The following CLCC1 variants were observed in gnomAD, a reference collection of about 807,000 sequenced individuals.
CLCC1 encodes the protein chloride channel CLIC like 1, also known as chloride channel CLIC-like protein 1.
Under a neutral mutation model 63.3 loss-of-function variants are expected in CLCC1, and 39 were observed. That is an observed-to-expected ratio of 0.62 (90% CI 0.48 to 0.81). The LOEUF (loss-of-function observed/expected upper bound fraction) is 0.81, where lower values mean the gene tolerates loss of function less well. Ranked by LOEUF, CLCC1 falls within the 30% of genes least tolerant of loss-of-function variation. The pLI, the probability that CLCC1 is intolerant of heterozygous loss-of-function variation, is 0.00. For synonymous variants in CLCC1, 217 were observed against 239.8 expected (o/e 0.90, Z 0.88); for missense variants, 549 against 669.4 (o/e 0.82, Z 1.98).
At position 108,954,755 on chromosome 1, in the gene CLCC1, A is replaced by T. The variant is rs910358664; in HGVS notation, c.-11-4307T>A. Among the ~76,000 whole-genome samples the T allele has an allele frequency of 3.5e-4, 53 of 151,154 alleles. 2 individuals are homozygous for T. Among genetic ancestry groups the T allele is most frequent in the African/African-American group, 1.3e-3 (53 of 40,508 alleles). On this transcript the variant is annotated intron_variant, in intron 2 of 12. Transcript: ENST00000369969. ...ATAATGAGAATATGGTTGTGGAACG[A>T]GTTCAGCATTCATTTGTTCAACATT... is the stretch of plus-strand genomic sequence containing the variant.
At chr1:108,944,711 G>A (rs1189142273) in intron 5 of CLCC1, among the ~76,000 whole-genome samples, 1 of 151,608 alleles carries the variant, frequency 6.6e-6, no homozygotes, top group African/African-American at 2.4e-5. Flanking sequence ...CTCACTGCAA[G>A]CTCCACCTCC....
chr1:108,955,829 C>A (rs1159516909), intron 2 of CLCC1, among the ~76,000 whole-genome samples: 1 of 151,594 alleles, frequency 6.6e-6, no homozygotes, highest in East Asian at 1.9e-4. Flanking sequence ...GAATCCCAGA[C>A]TTAAACCAGC....
chr1:108,947,675 T>C lies in CLCC1; in HGVS notation c.275A>G (p.Gln92Arg). 6.2e-7 allele frequency: 1 copy of C among 1,612,176 alleles called. No individual in the cohort carries two copies. The highest frequency in any genetic ancestry group is 8.5e-7 in the Non-Finnish European group (1 of 1,179,282). Residue 92 changes from glutamine to arginine, a missense_variant, in exon 5 of 13, where the codon CAA (glutamine) becomes CGA (arginine). Transcript: ENST00000369969. ...EKKKREDYESQSNPVFRRYLN... is the reference protein window; with the variant it reads ...EKKKREDYESRSNPVFRRYLN... ...GTATCTCCTAAAAACAGGATTGCTT[T>C]GACTTTCATAGTCTTCCCTCTTTTT...
Position 108,930,013 on chromosome 1 carries a change from G to C in CLCC1, c.*2534C>G. 7.5e-7 allele frequency: 1 copy of C among 1,333,212 alleles called. No homozygotes were observed. The highest frequency in any genetic ancestry group is 1.1e-6 in the Non-Finnish European group (1 of 935,404). The allele number at this position is 1,333,212 out of a possible 1,614,324, so 82.6% of individuals were successfully genotyped here. ...TCTATTACTTTTTTCCTTAAAAGGA[G>C]AATTTATAGCACTGTAATACAGCTT... On this transcript the variant is annotated 3_prime_UTR_variant, in exon 13 of 13. Transcript: ENST00000369969.
intron 5 of CLCC1, among the ~76,000 whole-genome samples, chr1:108,944,563 A>T (rs1265689216): frequency 6.6e-6 from 1 of 151,832 alleles, no homozygotes; most frequent in Non-Finnish European, 1.5e-5. Context: ...AAATTCTAGA[A>T]CTCTATGTAA....
In CLCC1 at chr1:108,950,462, TAATATATATAATGAAATAGAA is replaced by T; in HGVS notation, c.-11-35_-11-15del. 7.0e-7 allele frequency: 1 copy of T among 1,421,834 alleles called. No homozygotes were observed. Among genetic ancestry groups the T allele is most frequent in the Non-Finnish European group, 9.4e-7 (1 of 1,067,554 alleles). The allele number at this position is 1,421,834 out of a possible 1,614,324, so 88.1% of individuals were successfully genotyped here. A position where few individuals can be genotyped will look rare whatever the true frequency, so the allele number is the denominator to read the frequency against. On this transcript the variant is annotated splice_polypyrimidine_tract_variant and intron_variant, in intron 2 of 12. Transcript: ENST00000369969. Reference sequence around the variant, plus strand: ...TCCTGTATAAGGCTAAAACAATTTTTAATATATATAATGAAATAGAATTATTTTTTTAAATAAATTGGGTTT... The same window carrying T: ...TCCTGTATAAGGCTAAAACAATTTTTTTATTTTTTTAAATAAATTGGGTTT...
Position 108,937,135 on chromosome 1 carries a change from A to C in CLCC1, c.1325T>G (p.Leu442Arg), listed in dbSNP as rs1026074251. The change falls in exon 11 of 13, where the codon CTC becomes CGC. Residue 442 changes from leucine (L) to arginine (R), a missense_variant. Leu to Arg is a moderately radical substitution (Grantham distance 102). Coordinates refer to ENST00000369969, the MANE Select transcript of CLCC1 (RefSeq NM_001377458.1). ...FQTGNKSPEV[L>R]RAFDVPDAEA... Reference sequence around the variant, plus strand: ...TGCGTCTGGTACATCAAATGCCCGGAGCACTTCAGGGCTCTTGTTGCCAGT... The same window carrying C: ...TGCGTCTGGTACATCAAATGCCCGGCGCACTTCAGGGCTCTTGTTGCCAGT... 2 of 1,545,590 alleles carry C rather than the reference A, an allele frequency of 1.3e-6. No homozygotes were observed. Among genetic ancestry groups the C allele is most frequent in the Non-Finnish European group, 1.7e-6 (2 of 1,147,642 alleles).
Position 108,929,880 on chromosome 1 carries a change from T to C in CLCC1, c.*2667A>G. The C allele has an allele frequency of 6.2e-7, 1 of 1,613,940 alleles. No homozygotes were observed. The highest frequency in any genetic ancestry group is 8.5e-7 in the Non-Finnish European group (1 of 1,179,816). On this transcript the variant is annotated 3_prime_UTR_variant, in exon 13 of 13. Transcript: ENST00000369969. Reference sequence around the variant, plus strand: ...ACACTGACTTTGGGCTAAAGGACTTTTTGCAAAATAATGCTTTGTTGGAGT... The same window carrying C: ...ACACTGACTTTGGGCTAAAGGACTTCTTGCAAAATAATGCTTTGTTGGAGT...
intron 1 of CLCC1, 40 bp downstream of exon 1, chr1:108,963,321 C>T (rs1004200776): frequency 1.5e-6 from 1 of 685,076 alleles, no homozygotes; most frequent in Non-Finnish European, 2.7e-6. Context: ...GGGTAACCCG[C>T]CCCACCCGCC....
At chr1:108,963,303 G>C (rs1302244896) in intron 1 of CLCC1, 58 bp downstream of exon 1, 1 of 676,500 alleles carries the variant, frequency 1.5e-6, no homozygotes, top group Non-Finnish European at 2.7e-6. Flanking sequence ...CCGCCAGGGC[G>C]TAACGGCGGG....
intron 5 of CLCC1, among the ~76,000 whole-genome samples, chr1:108,946,395 TCTGTTCCACC>T (rs1442316735): frequency 6.6e-6 from 1 of 152,206 alleles, no homozygotes; most frequent in Non-Finnish European, 1.5e-5. Flanking sequence ...TTATCTAGGT[TCTGTTCCACC>T]CTGTACGTAG....
intron 12 of CLCC1, chr1:108,933,807 CATCATGGTATTCTCTATG>C (rs997053818): frequency 4.6e-5 from 7 of 152,352 alleles, no homozygotes; most frequent in African/African-American, 1.2e-4. Flanking sequence ...TCTTCTTCCT[CATCATGGTATTCTCTATG>C]TATAGATCTC....
At chr1:108,945,321 CAAAATA>C (rs1380739882) in intron 5 of CLCC1, among the ~76,000 whole-genome samples, 21 of 151,818 alleles carry the variant, frequency 1.4e-4, no homozygotes, top group Admixed American at 1.4e-3. Context: ...TGATTGGTCT[CAAAATA>C]AAAATAAAAA....
chr1:108,940,008 C>A (rs1302724425), intron 9 of CLCC1, 37 bp downstream of exon 9: 1 of 1,488,748 alleles, frequency 6.7e-7, no homozygotes, highest in Non-Finnish European at 9.2e-7. Flanking sequence ...GGATTTCTGA[C>A]TGACTTTAAG....
intron 2 of CLCC1, among the ~76,000 whole-genome samples, chr1:108,953,490 G>A (rs1244129363): frequency 1.3e-5 from 2 of 152,158 alleles, no homozygotes. Flanking sequence ...GTGTAGCCAA[G>A]ACAGAAAACC....
chr1:108,936,897 T>G (rs1322841403), intron 11 of CLCC1, among the ~76,000 whole-genome samples, 180 bp downstream of exon 11: 1 of 152,200 alleles, frequency 6.6e-6, no homozygotes, highest in Non-Finnish European at 1.5e-5. Flanking sequence ...TAAATCTAAT[T>G]TTATTTCTTC....
chr1:108,962,969 AACT>A (rs1336632248), intron 1 of CLCC1, among the ~76,000 whole-genome samples: 1 of 152,170 alleles, frequency 6.6e-6, no homozygotes, highest in African/African-American at 2.4e-5. Flanking sequence ...TTAGAAAATT[AACT>A]ACAACTAAAT....
intron 12 of CLCC1, chr1:108,933,150 C>G (rs1255822928): frequency 6.7e-6 from 1 of 148,518 alleles, no homozygotes; most frequent in Non-Finnish European, 1.5e-5. Context: ...TGCACCTGGC[C>G]TAAAATTACA....
intron 2 of CLCC1, among the ~76,000 whole-genome samples, chr1:108,952,013 A>G (rs1655242167): frequency 6.6e-6 from 1 of 152,106 alleles, no homozygotes; most frequent in South Asian, 2.1e-4. Context: ...CCTAGGCTCA[A>G]GCTATCCTCC....
Sources: allele counts gnomAD v4.1 joint callset (sites outside exome capture counted in the v4.1 genomes callset), GRCh38; gene constraint gnomAD v4.1.1; transcripts MANE v1.5; gene names NCBI Gene and HGNC (gene_info 2026-07-23, HGNC 2026-07-21).